The following SPAM1 variants were observed in gnomAD, a reference collection of about 807,000 sequenced individuals.
SPAM1 encodes sperm adhesion molecule 1.
A neutral mutation model predicts 29.6 loss-of-function variants in SPAM1; 22 were observed. That is an observed-to-expected ratio of 0.74 (90% confidence interval 0.53 to 1.06). SPAM1 has a LOEUF of 1.06. Among genes scored for constraint, SPAM1 ranks in the 50% least tolerant of loss-of-function variants. SPAM1 has a pLI of 0.00. For synonymous variants in SPAM1, 194 were observed against 204.6 expected (o/e 0.95, Z 0.44); for missense variants, 534 against 604.0 (o/e 0.88, Z 1.21).
At chr7:123,933,216 C>A (rs893886613) in intron 1 of SPAM1, among the ~76,000 whole-genome samples, 1 of 152,018 alleles carries the variant, frequency 6.6e-6, no homozygotes, top group East Asian at 1.9e-4. Context: ...TGCTCTCCCC[C>A]TCCTTGCCCC....
At chr7:123,935,250 C>A (rs914200798) in intron 1 of SPAM1, among the ~76,000 whole-genome samples, 1 of 152,108 alleles carries the variant, frequency 6.6e-6, no homozygotes, top group African/African-American at 2.4e-5. Context: ...CATCTTCAAT[C>A]ACTCTCAACT....
At chr7:123,951,523 G>A (rs10268846) in intron 2 of SPAM1, among the ~76,000 whole-genome samples, 9,567 of 152,166 alleles carry the variant, frequency 0.063, 1,006 homozygotes, top group African/African-American at 0.22. Flanking sequence ...ATATTTCATT[G>A]AGTAAAATTT....
At chr7:123,960,774 T>A (rs1792348108), downstream of SPAM1, among the ~76,000 whole-genome samples, 1 of 151,868 alleles carries the variant, frequency 6.6e-6, no homozygotes, top group East Asian at 1.9e-4. Flanking sequence ...AGGATCTTAA[T>A]TTTTTTGCGG....
At chr7:123,925,458 T>G (rs993904233) in intron 1 of SPAM1, 106 bp downstream of exon 1, 10 of 152,178 alleles carry the variant, frequency 6.6e-5, no homozygotes, top group African/African-American at 2.4e-4. Flanking sequence ...ATGTCTAGAT[T>G]TTTATGTTCC....
chr7:123,934,689 C>T (rs1466574604), intron 1 of SPAM1, among the ~76,000 whole-genome samples: 1 of 152,086 alleles, frequency 6.6e-6, no homozygotes, highest in Non-Finnish European at 1.5e-5. Context: ...TCATTTGCTA[C>T]AACATGGATG....
At chr7:123,947,578 CCACACACACACACACA>C (rs3993662) in intron 1 of SPAM1, 9 of 147,764 alleles carry the variant, frequency 6.1e-5, no homozygotes, top group African/African-American at 1.8e-4. Flanking sequence ...GATTAAAACA[CCACACACACACACACA>C]CACACACACA....
chr7:123,960,804 A>G (rs1391972747), downstream of SPAM1, among the ~76,000 whole-genome samples: 1 of 151,962 alleles, frequency 6.6e-6, no homozygotes, highest in Non-Finnish European at 1.5e-5. Context: ...TTCCGTGAAA[A>G]AAAAGGAAAA....
intron 1 of SPAM1, among the ~76,000 whole-genome samples, chr7:123,942,818 T>C (rs932225266): frequency 3.9e-5 from 6 of 152,216 alleles, no homozygotes; most frequent in Admixed American, 1.3e-4. Flanking sequence ...AATTCAACTT[T>C]GATTCCTTAA....
chr7:123,959,431 A>C (rs1792316549), intron 4 of SPAM1, 53 bp from the exon 5 acceptor site: 1 of 1,319,618 alleles, frequency 7.6e-7, no homozygotes, highest in South Asian at 1.5e-5. Context: ...ATTAATTCGC[A>C]TTTGAACTAA....
At chr7:123,925,939 A>G (rs1309095227) in intron 1 of SPAM1, 1 of 152,192 alleles carries the variant, frequency 6.6e-6, no homozygotes, top group African/African-American at 2.4e-5. Context: ...AGCTGTGACT[A>G]CTTCATACAG....
chr7:123,963,929 T>C (rs1247256690), downstream of SPAM1, among the ~76,000 whole-genome samples: 2 of 151,978 alleles, frequency 1.3e-5, no homozygotes, highest in African/African-American at 4.8e-5. Context: ...AGGTGCTCAA[T>C]ACATAGCAAT....
chr7:123,970,573 A>G (rs963229535), intron 6 of SPAM1, among the ~76,000 whole-genome samples: 3 of 142,114 alleles, frequency 2.1e-5, no homozygotes, highest in Non-Finnish European at 4.6e-5. Flanking sequence ...TGGACAACAC[A>G]GTGAGATCCC....
intron 1 of SPAM1, chr7:123,925,575 CT>C (rs1563018464): frequency 6.6e-6 from 1 of 152,098 alleles, no homozygotes; most frequent in East Asian, 1.9e-4. Context: ...GTTCCTTGGT[CT>C]GATTCAATCT....
At position 123,955,061 on chromosome 7, in the gene SPAM1, G is replaced by A; in HGVS notation, c.1019G>A (p.Gly340Glu). 6.2e-7 allele frequency: 1 copy of A among 1,610,522 alleles called. No individual in the cohort carries two copies. The highest frequency in any genetic ancestry group is 1.1e-5 in the South Asian group (1 of 90,992). The change falls in exon 4 of 5, where the codon GGA (glycine) becomes GAA (glutamate). Residue 340 changes from glycine to glutamate, a missense_variant. Transcript: ENST00000682466. ...GGTGCTTCTGGAATTGTAATATGGG[G>A]AACCCTCAGTATAATGCGAAGTATG... ...ALGASGIVIW[G>E]TLSIMRSMKS...
intron 1 of SPAM1, among the ~76,000 whole-genome samples, chr7:123,936,500 G>T (rs920398987): frequency 2.8e-4 from 42 of 152,296 alleles, no homozygotes; most frequent in Non-Finnish European, 4.0e-4. Flanking sequence ...TAATGTTCAA[G>T]TTGTCATGTA....
intron 5 of SPAM1, among the ~76,000 whole-genome samples, chr7:123,968,118 A>C (rs914992268): frequency 1.3e-5 from 2 of 152,020 alleles, no homozygotes; most frequent in African/African-American, 4.8e-5. Context: ...AGAGTGACCC[A>C]GAGGCAGAAG....
intron 5 of SPAM1, chr7:123,970,124 T>C: frequency 6.8e-7 from 1 of 1,477,674 alleles, no homozygotes; most frequent in Non-Finnish European, 9.2e-7. Flanking sequence ...AGTTTGCTAG[T>C]GATGCTATAA....
At chr7:123,939,778 A>G (rs546443878) in intron 1 of SPAM1, among the ~76,000 whole-genome samples, 1 of 152,146 alleles carries the variant, frequency 6.6e-6, no homozygotes, top group East Asian at 1.9e-4. Flanking sequence ...GTTTAGCAAG[A>G]ATTCCCCATC....
intron 1 of SPAM1, among the ~76,000 whole-genome samples, chr7:123,944,393 T>C (rs1808513000): frequency 6.6e-6 from 1 of 152,130 alleles, no homozygotes; most frequent in Admixed American, 6.6e-5. Flanking sequence ...TGTAATAACC[T>C]TAATTAAATA....
Sources: allele counts gnomAD v4.1 joint callset (sites outside exome capture counted in the v4.1 genomes callset), GRCh38; gene constraint gnomAD v4.1.1; transcripts MANE v1.5; gene names NCBI Gene and HGNC (gene_info 2026-07-23, HGNC 2026-07-21).